Variants in CIROZ observed in about 807,000 individuals in gnomAD.
CIROZ encodes ciliated left-right organizer ZP-N domains-containing protein.
At chr1:10,976,024 C>A in the CIROZ span, 1 of 687,950 alleles carries the variant, frequency 1.5e-6, no homozygotes, top group Non-Finnish European at 2.4e-6. Flanking sequence ...GAAATCCACG[C>A]TTTGGTGAAG....
chr1:10,965,331 G>A, the CIROZ span, among the ~76,000 whole-genome samples: 1 of 152,204 alleles, frequency 6.6e-6, no homozygotes, highest in Non-Finnish European at 1.5e-5. Context: ...ACAAAGAAAT[G>A]GAAAGGGGAA....
chr1:10,972,420 T>TAC, the CIROZ span, among the ~76,000 whole-genome samples: 24,160 of 131,198 alleles, frequency 0.18, 2,235 homozygotes, highest in Admixed American at 0.24. Flanking sequence ...GTCTCTGAAA[T>TAC]ACACACACAC....
the CIROZ span, chr1:10,966,462 G>C: frequency 6.5e-7 from 1 of 1,534,976 alleles, no homozygotes; most frequent in Non-Finnish European, 8.7e-7. Flanking sequence ...GAATCCAGGT[G>C]GTCAGGGGAC....
the CIROZ span, among the ~76,000 whole-genome samples, chr1:10,955,995 AAC>A: frequency 6.6e-6 from 1 of 152,210 alleles, no homozygotes; most frequent in Non-Finnish European, 1.5e-5. Flanking sequence ...AGGGATTTGA[AAC>A]ACTGTGAACA....
the CIROZ span, chr1:10,947,789 C>T: frequency 1.2e-6 from 2 of 1,600,226 alleles, no homozygotes; most frequent in Non-Finnish European, 1.7e-6. Flanking sequence ...CCCGGCCAGC[C>T]TGGAAGGGGT....
chr1:10,982,028 A>G, the CIROZ span: 17 of 1,537,028 alleles, frequency 1.1e-5, no homozygotes, highest in Non-Finnish European at 1.5e-5. Flanking sequence ...AGTGCTGGGG[A>G]CCCCCACATC....
chr1:10,958,103 C>T, the CIROZ span, among the ~76,000 whole-genome samples: 1 of 152,186 alleles, frequency 6.6e-6, no homozygotes. Context: ...GCTCTGTTTG[C>T]CACCCTTTAG....
the CIROZ span, among the ~76,000 whole-genome samples, chr1:10,959,977 A>G: frequency 6.6e-6 from 1 of 152,140 alleles, no homozygotes; most frequent in Non-Finnish European, 1.5e-5. The surrounding 1 kb of genome is among the most constrained non-coding windows in gnomAD (Gnocchi z 4.3). Context: ...ATTCCTCAAC[A>G]ACACCACCAA....
chr1:10,957,606 C>T, the CIROZ span: 70 of 1,613,546 alleles, frequency 4.3e-5, no homozygotes, highest in East Asian at 1.5e-3. Context: ...GCCTGCTGCC[C>T]ACCACTGACC....
the CIROZ span, among the ~76,000 whole-genome samples, chr1:10,967,131 G>A: frequency 2.7e-5 from 4 of 148,236 alleles, no homozygotes; most frequent in Admixed American, 6.7e-5. Flanking sequence ...CCTGGGTGAC[G>A]GAGTGAAACA....
chr1:10,967,155 GA>G, the CIROZ span, among the ~76,000 whole-genome samples: 2,468 of 116,200 alleles, frequency 0.021, 55 homozygotes, highest in African/African-American at 0.061. Flanking sequence ...TCCAAAAAAA[GA>G]AAAAAAAAAA....
At chr1:10,954,701 C>T in the CIROZ span, among the ~76,000 whole-genome samples, 1 of 152,136 alleles carries the variant, frequency 6.6e-6, no homozygotes, top group Non-Finnish European at 1.5e-5. Context: ...AGTGCAGTGG[C>T]ACAATCACAG....
At chr1:10,968,139 A>G in the CIROZ span, among the ~76,000 whole-genome samples, 1 of 152,214 alleles carries the variant, frequency 6.6e-6, no homozygotes, top group African/African-American at 2.4e-5. Flanking sequence ...AGCCTGGGCA[A>G]CAAAGTGAGA....
chr1:10,976,146 A>G, the CIROZ span: 1 of 1,534,858 alleles, frequency 6.5e-7, no homozygotes, highest in Non-Finnish European at 8.7e-7. Flanking sequence ...TAAAAGTGTG[A>G]TTGATTCACC....
At chr1:10,959,483 GTCTC>G in the CIROZ span, among the ~76,000 whole-genome samples, 1 of 152,198 alleles carries the variant, frequency 6.6e-6, no homozygotes, top group African/African-American at 2.4e-5. The surrounding 1 kb of genome is among the most constrained non-coding windows in gnomAD (Gnocchi z 4.3). Flanking sequence ...GCTCTCTCAA[GTCTC>G]TCTACTTTCT....
the CIROZ span, among the ~76,000 whole-genome samples, chr1:10,975,883 C>T: frequency 8.2e-6 from 1 of 121,456 alleles, no homozygotes; most frequent in Non-Finnish European, 1.5e-5. Context: ...GACACACGCT[C>T]CCTGTGCTGG....
the CIROZ span, chr1:10,947,830 C>T: frequency 6.2e-7 from 1 of 1,601,618 alleles, no homozygotes; most frequent in Admixed American, 1.7e-5. Context: ...GGTAGCAACA[C>T]TCCTGTGGGA....
chr1:10,968,540 TAA>T, the CIROZ span, among the ~76,000 whole-genome samples: 5 of 152,204 alleles, frequency 3.3e-5, no homozygotes, highest in African/African-American at 1.2e-4. Context: ...GCTGGGGAAA[TAA>T]AGTGTCTGAG....
At chr1:10,954,208 C>CA in the CIROZ span, 17 of 1,524,194 alleles carry the variant, frequency 1.1e-5, no homozygotes, top group African/African-American at 2.8e-5. Context: ...GTAATCCCAG[C>CA]ACTTTGGGAG....
Sources: allele counts gnomAD v4.1 joint callset (sites outside exome capture counted in the v4.1 genomes callset), GRCh38; gene constraint gnomAD v4.1.1; non-coding constraint Gnocchi (gnomAD v3.1); transcripts MANE v1.5; gene names NCBI Gene and HGNC (gene_info 2026-07-23, HGNC 2026-07-21).